The following SENP6 variants were observed in gnomAD, a reference collection of about 807,000 sequenced individuals.
SENP6 encodes SUMO specific peptidase 6.
SENP6 carries 41 observed loss-of-function variants against 134.5 expected under a neutral mutation model. The ratio of observed to expected loss-of-function variants is 0.30; its 90% CI spans 0.24 to 0.40. The LOEUF (loss-of-function observed/expected upper bound fraction) is 0.40. Among genes scored for constraint, SENP6 ranks in the 10% least tolerant of loss-of-function variants. The pLI is 1.00. For missense variants in SENP6, 1,248 were observed against 1,312.5 expected, an observed-to-expected ratio of 0.95 and a Z score of 0.76; for synonymous variants, 395 against 429.8, an observed-to-expected ratio of 0.92 and a Z score of 1.00.
At chr6:75,691,087 T>A (rs1236516934) in intron 16 of SENP6, among the ~76,000 whole-genome samples, 2 of 149,454 alleles carry the variant, frequency 1.3e-5, no homozygotes, top group Non-Finnish European at 3.0e-5. Flanking sequence ...GAAGCGATCC[T>A]CCCACCTTGG....
At chr6:75,676,148 G>A in intron 13 of SENP6, 94 bp downstream of exon 13, 2 of 730,080 alleles carry the variant, frequency 2.7e-6, no homozygotes, top group East Asian at 3.0e-5. Flanking sequence ...TTTGACAGAT[G>A]CCTTAGGTGT....
At chr6:75,651,380 G>T (rs1332834064) in intron 7 of SENP6, among the ~76,000 whole-genome samples, 7 of 152,142 alleles carry the variant, frequency 4.6e-5, no homozygotes, top group African/African-American at 1.4e-4. Flanking sequence ...TTGAGACAGG[G>T]TCTTGCTCTA....
At chr6:75,626,165 A>G (rs1286850373) in intron 3 of SENP6, among the ~76,000 whole-genome samples, 1 of 151,792 alleles carries the variant, frequency 6.6e-6, no homozygotes, top group Non-Finnish European at 1.5e-5. Context: ...TGTTTTTTAT[A>G]GTGAGGAATT....
chr6:75,679,130 G>A (rs568507328), intron 16 of SENP6: 1 of 443,988 alleles, frequency 2.3e-6, no homozygotes, highest in Non-Finnish European at 4.0e-6. Context: ...TGAAAATTGG[G>A]CCAGGGAGAT....
In SENP6 at chr6:75,621,541, G is replaced by A. The variant is rs1421486862; in HGVS notation, c.62G>A (p.Arg21Lys). ...GEITFLEALA[R>K]SESKRDGGFK... ...TTTGTTTTTATTTCAGCTTTGGCTA[G>A]ATCAGAGTCTAAGAGAGATGGAGGT... Residue 21 changes from arginine to lysine, a missense_variant, in exon 2 of 24, where the codon AGA becomes AAA. By Grantham distance (26) the Arg-to-Lys change is conservative. This residue lies in a region of SENP6 where 733 missense variants were observed against 725.4 expected (regional missense o/e 1.01). Transcript: ENST00000447266. 6.2e-7 allele frequency: 1 copy of A among 1,606,912 alleles called. No individual in the cohort carries two copies. Among genetic ancestry groups the A allele is most frequent in the South Asian group, 1.1e-5 (1 of 90,422 alleles).
At chr6:75,645,259 C>T (rs1200856615) in intron 6 of SENP6, among the ~76,000 whole-genome samples, 7 of 152,104 alleles carry the variant, frequency 4.6e-5, no homozygotes, top group Admixed American at 4.6e-4. Context: ...GCTTGATTTT[C>T]AATGAGTTTG....
chr6:75,664,756 T>C (rs1772064824), intron 9 of SENP6, among the ~76,000 whole-genome samples: 1 of 152,186 alleles, frequency 6.6e-6, no homozygotes, highest in African/African-American at 2.4e-5. Context: ...CAGTAAAAAT[T>C]AAGCATTTAT....
chr6:75,679,697 G>A lies in SENP6; in HGVS notation c.2075+770G>A, dbSNP rs1035084082. On this transcript the variant is annotated intron_variant, in intron 16 of 23. Transcript: ENST00000447266. ...ACATAACACATGTATACACCTATGT[G>A]CAATGTGTTTATACATTTATCAATT... 4 of 152,126 alleles carry A rather than the reference G, an allele frequency of 2.6e-5. 1 individual carries two copies. The South Asian group carries it at 8.3e-4, about 32-fold the overall frequency. The allele number at this position is 152,126 out of a possible 1,614,324, so 9.4% of individuals were successfully genotyped here.
chr6:75,688,656 A>G (rs113853479), intron 16 of SENP6, among the ~76,000 whole-genome samples: 2,187 of 152,272 alleles, frequency 0.014, 24 homozygotes, highest in Admixed American at 0.036. Flanking sequence ...ACAGTGGCTC[A>G]TACCTGTAAT....
At chr6:75,606,574 A>C (rs1435022258) in intron 1 of SENP6, among the ~76,000 whole-genome samples, 3 of 152,198 alleles carry the variant, frequency 2.0e-5, no homozygotes, top group African/African-American at 2.4e-5. Flanking sequence ...ATAAAATAAT[A>C]CTTTTAAATG....
chr6:75,639,064 A>C (rs1049281307), intron 5 of SENP6, among the ~76,000 whole-genome samples: 1 of 152,090 alleles, frequency 6.6e-6, no homozygotes, highest in Non-Finnish European at 1.5e-5. Context: ...AAAAACAAAA[A>C]CAAGAGAGTA....
chr6:75,706,017 A>G (rs977146883), intron 19 of SENP6, among the ~76,000 whole-genome samples: 1 of 134,240 alleles, frequency 7.4e-6, no homozygotes, highest in African/African-American at 2.9e-5. Context: ...TCTCACTGCA[A>G]CCTCCCCCTC....
chr6:75,665,741 C>T (rs1244664907), intron 9 of SENP6, among the ~76,000 whole-genome samples: 1 of 152,086 alleles, frequency 6.6e-6, no homozygotes, highest in Non-Finnish European at 1.5e-5. Context: ...AATTACTTGG[C>T]TACAGCCAGG....
intron 3 of SENP6, among the ~76,000 whole-genome samples, chr6:75,626,987 C>T (rs1397586988): frequency 6.6e-6 from 1 of 151,836 alleles, no homozygotes; most frequent in Non-Finnish European, 1.5e-5. Flanking sequence ...TCTATTGAGA[C>T]TGAGTCTCAC....
rs1061347 is a variant in SENP6 at position 75,678,643 on chromosome 6, G to A, written c.1909G>A (p.Glu637Lys). Reference sequence around the variant, plus strand: ...ACAAGAATTTCAGTTTTTTGATGAAGAAGAAGAAACTGGAGAAAACCACAC... The same window carrying A: ...ACAAGAATTTCAGTTTTTTGATGAAAAAGAAGAAACTGGAGAAAACCACAC... ...SKQEFQFFDE[E>K]EETGENHTIF... Residue 637 changes from glutamate (E) to lysine (K), a missense_variant, in exon 15 of 24, where the codon GAA becomes AAA. By Grantham distance (56) the Glu-to-Lys change is moderately conservative. Around this residue, in one of 3 missense-constraint regions of SENP6, gnomAD observed 129 missense variants for 192.0 expected, o/e 0.67. Coordinates refer to ENST00000447266, the MANE Select transcript of SENP6 (RefSeq NM_015571.4). 6.2e-7 allele frequency: 1 copy of A among 1,605,034 alleles called. No homozygotes were observed. The highest frequency in any genetic ancestry group is 1.7e-5 in the Admixed American group (1 of 59,228).
chr6:75,676,996 GT>G (rs35745959), intron 13 of SENP6, 33 bp from the exon 14 acceptor site: 586,653 of 986,152 alleles, frequency 0.59, 175,984 homozygotes, highest in South Asian at 0.67. Flanking sequence ...CTTCTTTTGT[GT>G]TTTTTTTTGG....
At chr6:75,622,785 A>C in intron 2 of SENP6, 1 of 1,289,156 alleles carries the variant, frequency 7.8e-7, no homozygotes, top group African/African-American at 1.5e-5. Context: ...AGCTCCGTTC[A>C]TCATTACCAC....
chr6:75,636,087 G>A (rs1424751861), intron 5 of SENP6, among the ~76,000 whole-genome samples: 2 of 151,910 alleles, frequency 1.3e-5, no homozygotes, highest in East Asian at 3.9e-4. Flanking sequence ...ATTGGGTTGC[G>A]ATTTGTTTTA....
chr6:75,703,414 T>C (rs79313392), intron 19 of SENP6, among the ~76,000 whole-genome samples: 134 of 152,328 alleles, frequency 8.8e-4, no homozygotes, highest in African/African-American at 3.2e-3. Flanking sequence ...TGAGTGTAGC[T>C]TGAACTTTGA....
Sources: allele counts gnomAD v4.1 joint callset (sites outside exome capture counted in the v4.1 genomes callset), GRCh38; gene constraint gnomAD v4.1.1; regional missense constraint gnomAD v4.1.1; transcripts MANE v1.5; gene names NCBI Gene and HGNC (gene_info 2026-07-23, HGNC 2026-07-21).